The following KCTD9 variants were observed in gnomAD, a reference collection of about 807,000 sequenced individuals.
KCTD9 encodes potassium channel tetramerization domain containing 9, also known as BTB/POZ domain-containing protein KCTD9.
A neutral mutation model predicts 53.3 loss-of-function variants in KCTD9; 17 were observed. The ratio of observed to expected loss-of-function variants is 0.32; its 90% confidence interval spans 0.22 to 0.48. The LOEUF (loss-of-function observed/expected upper bound fraction) is 0.48. KCTD9 is among the 20% of genes least tolerant of loss of function. The pLI is 0.99. For synonymous variants in KCTD9, 128 were observed against 162.7 expected, an observed-to-expected ratio of 0.79 and a Z score of 1.62; for missense variants, 179 against 465.5, an observed-to-expected ratio of 0.38 and a Z score of 5.66.
chr8:25,438,876 C>T (rs1802067790), intron 6 of KCTD9, among the ~76,000 whole-genome samples: 1 of 152,154 alleles, frequency 6.6e-6, no homozygotes, highest in Non-Finnish European at 1.5e-5. Flanking sequence ...CATGATTTGC[C>T]CTCTTGACTA....
In KCTD9 at chr8:25,428,262, A is replaced by G. The variant is rs957430359; in HGVS notation, c.*1595T>C. ...GATTATGAAAATAGATTATCTCTCA[A>G]TACAATACTTCTCTGTCTTGGTAAA... On this transcript the variant is annotated 3_prime_UTR_variant, in exon 12 of 12. Transcript: ENST00000221200. The G allele has an allele frequency of 6.6e-6, 1 of 152,630 alleles. No homozygotes were observed. The highest frequency in any genetic ancestry group is 2.4e-5 in the African/African-American group (1 of 41,438). 9.5% of individuals were successfully genotyped at this position (152,630 alleles called of 1,614,324 possible). A position where few individuals can be genotyped will look rare whatever the true frequency, so the allele number is the denominator to read the frequency against.
chr8:25,441,624 A>G (rs553813781), intron 3 of KCTD9, among the ~76,000 whole-genome samples: 1 of 152,222 alleles, frequency 6.6e-6, no homozygotes, highest in Non-Finnish European at 1.5e-5. Context: ...GACTAAAGCA[A>G]AAGAAATACA....
At chr8:25,440,483 G>A (rs1802102399) in intron 4 of KCTD9, 94 bp downstream of exon 4, 1 of 844,952 alleles carries the variant, frequency 1.2e-6, no homozygotes, top group African/African-American at 1.7e-5. Flanking sequence ...AGCAGCATTT[G>A]AGTATCTTTT....
intron 3 of KCTD9, among the ~76,000 whole-genome samples, chr8:25,442,995 G>A (rs1802150789): frequency 6.6e-6 from 1 of 152,088 alleles, no homozygotes; most frequent in East Asian, 1.9e-4. Flanking sequence ...AAGAGGATAA[G>A]TAAAAACCTT....
intron 3 of KCTD9, among the ~76,000 whole-genome samples, chr8:25,441,935 T>G (rs10108541): frequency 6.6e-6 from 1 of 151,884 alleles, no homozygotes; most frequent in Non-Finnish European, 1.5e-5. Flanking sequence ...ACCCAGGAGG[T>G]TGAAGCTGTA....
At chr8:25,448,439 G>C (rs1802256137) in intron 1 of KCTD9, among the ~76,000 whole-genome samples, 1 of 152,144 alleles carries the variant, frequency 6.6e-6, no homozygotes, top group Non-Finnish European at 1.5e-5. Context: ...TGATGACCAA[G>C]TACTGGAAAT....
intron 1 of KCTD9, among the ~76,000 whole-genome samples, chr8:25,448,652 C>T (rs1354347670): frequency 2.0e-5 from 3 of 152,124 alleles, no homozygotes; most frequent in African/African-American, 4.8e-5. Context: ...CGGTGGCTCA[C>T]GCCTGTAAAA....
chr8:25,432,666 T>A, intron 10 of KCTD9, 29 bp from the exon 11 acceptor site: 2 of 1,586,300 alleles, frequency 1.3e-6, no homozygotes, highest in East Asian at 4.5e-5. Flanking sequence ...GGGAGTAGTT[T>A]AACTTAAAAA....
rs193129108 is a variant in KCTD9, at chr8:25,428,254, A to C, written c.*1603T>G. The C allele has an allele frequency of 5.2e-5, 8 of 152,782 alleles. No homozygotes were observed. Among genetic ancestry groups the C allele is most frequent in the African/African-American group, 9.6e-5 (4 of 41,584 alleles). The allele number at this position is 152,782 out of a possible 1,614,324, so 9.5% of individuals were successfully genotyped here. Reference sequence around the variant, plus strand: ...CACATATTGATTATGAAAATAGATTATCTCTCAATACAATACTTCTCTGTC... The same window carrying C: ...CACATATTGATTATGAAAATAGATTCTCTCTCAATACAATACTTCTCTGTC... On this transcript the variant is annotated 3_prime_UTR_variant, in exon 12 of 12. Transcript: ENST00000221200.
intron 11 of KCTD9, among the ~76,000 whole-genome samples, chr8:25,431,742 C>T (rs531808702): frequency 1.8e-4 from 27 of 152,112 alleles, no homozygotes; most frequent in Non-Finnish European, 3.5e-4. Flanking sequence ...ACTCTGCTAC[C>T]GAGAGCTATC....
At chr8:25,430,390 G>A (rs754505710) in intron 11 of KCTD9, among the ~76,000 whole-genome samples, 2 of 152,106 alleles carry the variant, frequency 1.3e-5, no homozygotes, top group Non-Finnish European at 2.9e-5. Flanking sequence ...TCAAGTTACA[G>A]CCTGAGCTCC....
intron 2 of KCTD9, 101 bp from the exon 3 acceptor site, chr8:25,444,436 G>T: frequency 9.0e-7 from 1 of 1,115,128 alleles, no homozygotes; most frequent in Non-Finnish European, 1.3e-6. Flanking sequence ...ATAGACAATA[G>T]GTTTTGCTAT....
intron 10 of KCTD9, 55 bp downstream of exon 10, chr8:25,433,275 T>C (rs1801961592): frequency 2.0e-6 from 2 of 1,005,702 alleles, no homozygotes; most frequent in Non-Finnish European, 3.1e-6. Flanking sequence ...CCAGGGCTTT[T>C]TTCCTTTACA....
At chr8:25,436,101 A>G (rs1022386581) in intron 8 of KCTD9, 134 bp downstream of exon 8, 1 of 685,530 alleles carries the variant, frequency 1.5e-6, no homozygotes, top group Non-Finnish European at 2.6e-6. Context: ...AATCAATGCT[A>G]TGACTCATAA....
chr8:25,433,671 C>T (rs1309541854), intron 9 of KCTD9, among the ~76,000 whole-genome samples: 1 of 152,038 alleles, frequency 6.6e-6, no homozygotes, highest in East Asian at 1.9e-4. Flanking sequence ...TGCAAATTAA[C>T]AATAGCATGC....
chr8:25,443,532 C>G (rs947029950), intron 3 of KCTD9, among the ~76,000 whole-genome samples: 6 of 152,036 alleles, frequency 3.9e-5, no homozygotes, highest in African/African-American at 1.4e-4. Flanking sequence ...ATTAAGTGAC[C>G]ATTGCCTGCC....
At chr8:25,447,257 G>A (rs1802230368) in intron 1 of KCTD9, among the ~76,000 whole-genome samples, 1 of 152,136 alleles carries the variant, frequency 6.6e-6, no homozygotes. Flanking sequence ...GCCAGGTGTG[G>A]TGGTGTATGC....
intron 3 of KCTD9, among the ~76,000 whole-genome samples, chr8:25,442,262 A>T (rs1253792694): frequency 6.6e-6 from 1 of 152,140 alleles, no homozygotes; most frequent in African/African-American, 2.4e-5. Flanking sequence ...ATTCTACTAA[A>T]ATTACTGTAC....
At position 25,446,184 on chromosome 8, in the gene KCTD9, C is replaced by T; in HGVS notation, c.115G>A (p.Ala39Thr). ...SVASSKLGIKATSVYNGKGGL... is the reference protein window; with the variant it reads ...SVASSKLGIKTTSVYNGKGGL... Reference sequence around the variant, plus strand: ...CCTTTCCCATTATACACACTGGTGGCTTTTATGCCGAGTTTACTGCTGGCC... The same window carrying T: ...CCTTTCCCATTATACACACTGGTGGTTTTTATGCCGAGTTTACTGCTGGCC... The change falls in exon 2 of 12, where the codon GCC becomes ACC. Residue 39 changes from alanine to threonine, a missense_variant. By Grantham distance (58) the Ala-to-Thr change is moderately conservative (BLOSUM62 0). This residue lies in a region of KCTD9 where 115 missense variants were observed against 250.9 expected (regional missense o/e 0.46). Transcript: ENST00000221200. The T allele has an allele frequency of 6.2e-7, 1 of 1,613,974 alleles. No individual in the cohort carries two copies. Among genetic ancestry groups the T allele is most frequent in the Non-Finnish European group, 8.5e-7 (1 of 1,179,896 alleles).
Sources: gnomAD v4.1 joint callset for allele counts (sites outside exome capture counted in the v4.1 genomes callset) on GRCh38, gnomAD v4.1.1 for gene constraint, gnomAD v4.1.1 regional missense constraint, MANE v1.5 for transcripts, NCBI Gene and HGNC (gene_info 2026-07-23, HGNC 2026-07-21) for gene names.